XKR6: variants seen among roughly 807,000 people sequenced by gnomAD.
XKR6 encodes XK related 6, also known as XK-related protein 6.
Under a neutral mutation model 56.7 loss-of-function variants are expected in XKR6, and 22 were observed. The ratio of observed to expected loss-of-function variants is 0.39; its 90% CI spans 0.28 to 0.55. The LOEUF is 0.55. Among genes scored for constraint, XKR6 ranks in the 20% least tolerant of loss-of-function variants. The probability of loss-of-function intolerance (pLI) is 0.66; values close to 1 mark genes in which losing one functional copy is unlikely to be tolerated. For missense variants in XKR6, 852 were observed against 889.0 expected (o/e 0.96, Z 0.53); for synonymous variants, 524 against 387.8 (o/e 1.35, Z -4.13).
At chr8:11,076,677 G>A (rs1394562879) in intron 1 of XKR6, among the ~76,000 whole-genome samples, 1 of 152,190 alleles carries the variant, frequency 6.6e-6, no homozygotes, top group East Asian at 1.9e-4. Context: ...AAGCCACAGA[G>A]GACAGTAAGG....
rs144169188 is a variant in XKR6 at position 11,161,818 on chromosome 8, G to C, written c.764+38758C>G. Among the ~76,000 whole-genome samples, 1,072 of 152,062 alleles carry C rather than the reference G, an allele frequency of 7.0e-3. 15 individuals are homozygous for C. Among genetic ancestry groups the C allele is most frequent in the African/African-American group, 0.022 (895 of 41,510 alleles). On this transcript the variant is annotated intron_variant, in intron 1 of 2. Coordinates refer to ENST00000416569, the MANE Select transcript of XKR6 (RefSeq NM_173683.4). ...AATATTTACTGAAGTATATCATCAG[G>C]TACCTGCAACTCAAAATTCTGGTTG...
intron 1 of XKR6, among the ~76,000 whole-genome samples, chr8:11,056,666 C>A (rs992097672): frequency 1.3e-5 from 2 of 152,372 alleles, no homozygotes; most frequent in South Asian, 2.1e-4. Context: ...GGCAGCCACA[C>A]AAGTGCAGCA....
chr8:10,997,134 T>C (rs1407019464), intron 1 of XKR6, among the ~76,000 whole-genome samples: 1 of 152,172 alleles, frequency 6.6e-6, no homozygotes, highest in African/African-American at 2.4e-5. Flanking sequence ...TCAAACTCCA[T>C]CATCAGTACA....
At chr8:11,064,869 T>A (rs1001697096) in intron 1 of XKR6, among the ~76,000 whole-genome samples, 2 of 152,146 alleles carry the variant, frequency 1.3e-5, no homozygotes, top group African/African-American at 4.8e-5. Flanking sequence ...TAAGTGCAAA[T>A]AGTGTTAAAG....
chr8:11,160,648 G>A (rs903366488), intron 1 of XKR6, among the ~76,000 whole-genome samples: 2 of 152,026 alleles, frequency 1.3e-5, no homozygotes, highest in African/African-American at 2.4e-5. Context: ...GGTGGCTCAC[G>A]CCTGTAAACC....
chr8:11,036,542 G>C (rs118093908), intron 1 of XKR6, among the ~76,000 whole-genome samples: 6 of 152,166 alleles, frequency 3.9e-5, no homozygotes, highest in African/African-American at 1.4e-4. Context: ...CTCTGGGTGG[G>C]GTCCAGGAAT....
At chr8:11,066,118 G>C (rs997531329) in intron 1 of XKR6, among the ~76,000 whole-genome samples, 2 of 152,210 alleles carry the variant, frequency 1.3e-5, no homozygotes, top group African/African-American at 4.8e-5. Flanking sequence ...CCAGGGAATT[G>C]CACCCATGGG....
At chr8:11,193,076 G>A (rs1339435548) in intron 1 of XKR6, among the ~76,000 whole-genome samples, 1 of 152,158 alleles carries the variant, frequency 6.6e-6, no homozygotes, top group Non-Finnish European at 1.5e-5. Context: ...ATGTGGCCAG[G>A]GCAAACCGTA....
chr8:11,051,915 T>C (rs1799559463), intron 1 of XKR6, among the ~76,000 whole-genome samples: 2 of 152,280 alleles, frequency 1.3e-5, no homozygotes, highest in African/African-American at 4.8e-5. Flanking sequence ...TATGCCATGG[T>C]GGTTTGTTAC....
intron 1 of XKR6, among the ~76,000 whole-genome samples, chr8:11,081,966 A>T (rs1166464160): frequency 6.6e-6 from 1 of 152,176 alleles, no homozygotes; most frequent in Non-Finnish European, 1.5e-5. Flanking sequence ...TTCCCACTGG[A>T]GGATGCTCTT....
chr8:10,925,158 C>T (rs1232615872), intron 1 of XKR6, among the ~76,000 whole-genome samples: 1 of 152,166 alleles, frequency 6.6e-6, no homozygotes, highest in African/African-American at 2.4e-5. Flanking sequence ...GTAGGCATCT[C>T]AGGTGAGCTC....
At chr8:11,075,723 A>T (rs974448833) in intron 1 of XKR6, among the ~76,000 whole-genome samples, 8 of 152,100 alleles carry the variant, frequency 5.3e-5, no homozygotes, top group Non-Finnish European at 1.2e-4. Flanking sequence ...AAATACAAAA[A>T]TTAGCTGGGT....
intron 1 of XKR6, among the ~76,000 whole-genome samples, chr8:11,085,632 G>T (rs1490407434): frequency 6.6e-6 from 1 of 152,174 alleles, no homozygotes; most frequent in Non-Finnish European, 1.5e-5. Flanking sequence ...GCCCAGGAAA[G>T]AATGCCCGCC....
chr8:11,170,338 G>A (rs1392334503), intron 1 of XKR6, among the ~76,000 whole-genome samples: 3 of 152,206 alleles, frequency 2.0e-5, no homozygotes, highest in South Asian at 2.1e-4. Context: ...ACAAAATGTG[G>A]TAGATCCATC....
intron 2 of XKR6, among the ~76,000 whole-genome samples, chr8:10,912,306 G>GTA (rs535084135): frequency 0.053 from 2,903 of 54,934 alleles, 75 homozygotes; most frequent in East Asian, 0.068. Flanking sequence ...AAGAGAGGGT[G>GTA]TATATATATA....
intron 1 of XKR6, among the ~76,000 whole-genome samples, chr8:10,995,125 C>T (rs1027429565): frequency 3.9e-5 from 6 of 152,176 alleles, no homozygotes; most frequent in Non-Finnish European, 5.9e-5. Flanking sequence ...CATGATCACA[C>T]AGGATGTATA....
chr8:11,054,823 C>T (rs893262841), intron 1 of XKR6, among the ~76,000 whole-genome samples: 15 of 152,062 alleles, frequency 9.9e-5, no homozygotes, highest in African/African-American at 3.4e-4. Context: ...CCTGGGAGCT[C>T]CTGGGAGGAG....
intron 1 of XKR6, among the ~76,000 whole-genome samples, chr8:10,980,227 G>T (rs1168979712): frequency 6.6e-6 from 1 of 152,182 alleles, no homozygotes; most frequent in Non-Finnish European, 1.5e-5. Flanking sequence ...GGAAGGCCAG[G>T]TTCTGGAGTG....
intron 1 of XKR6, among the ~76,000 whole-genome samples, chr8:11,135,351 T>G (rs1167745112): frequency 6.6e-6 from 1 of 152,154 alleles, no homozygotes; most frequent in East Asian, 1.9e-4. Flanking sequence ...ATTTTTTAAT[T>G]GACAAAAATA....
Sources: gnomAD v4.1 joint callset for allele counts (sites outside exome capture counted in the v4.1 genomes callset) on GRCh38, gnomAD v4.1.1 for gene constraint, MANE v1.5 for transcripts, NCBI Gene and HGNC (gene_info 2026-07-23, HGNC 2026-07-21) for gene names.